The following MAGI2 variants were observed in gnomAD, a reference collection of about 807,000 sequenced individuals.
The protein encoded by MAGI2 is membrane-associated guanylate kinase, WW and PDZ domain-containing protein 2.
MAGI2 carries 35 observed loss-of-function variants against 133.3 expected under a neutral mutation model. The ratio of observed to expected loss-of-function variants is 0.26; its 90% CI spans 0.20 to 0.35. MAGI2 has a LOEUF of 0.35. Ranked by LOEUF, MAGI2 falls within the 10% of genes least tolerant of loss-of-function variation. The pLI, the probability that MAGI2 is intolerant of heterozygous loss-of-function variation, is 1.00. For synonymous variants in MAGI2, 729 were observed against 710.6 expected, an observed-to-expected ratio of 1.03 and a Z score of -0.41; for missense variants, 1,636 against 1,863.4, an observed-to-expected ratio of 0.88 and a Z score of 2.25.
intron 10 of MAGI2, among the ~76,000 whole-genome samples, chr7:78,225,519 G>A (rs1162790014): frequency 6.6e-6 from 1 of 152,068 alleles, no homozygotes; most frequent in East Asian, 1.9e-4. Context: ...ACCTGTATTT[G>A]TGTTTTTTGT....
rs112560157 is a variant in MAGI2 at position 78,703,983 on chromosome 7, T to C, written c.419-76744A>G. Among the ~76,000 whole-genome samples the C allele has an allele frequency of 5.6e-3, 848 of 152,176 alleles. 4 individuals are homozygous for C. The highest frequency in any genetic ancestry group is 7.4e-3 in the Non-Finnish European group (504 of 67,974). On this transcript the variant is annotated intron_variant, in intron 2 of 21. Coordinates refer to ENST00000354212, the MANE Select transcript of MAGI2 (RefSeq NM_012301.4). ...ACTATCAAAACCCTGGAAGATAACC[T>C]AGGAAATACCACTGTGGACATAGGC...
At chr7:79,006,291 GA>G (rs1807442494) in intron 2 of MAGI2, among the ~76,000 whole-genome samples, 1 of 152,128 alleles carries the variant, frequency 6.6e-6, no homozygotes, top group Non-Finnish European at 1.5e-5. Flanking sequence ...TAAAAGAAAA[GA>G]AACTCACACA....
At chr7:78,021,022 T>C (rs1419865530) in intron 21 of MAGI2, among the ~76,000 whole-genome samples, 1 of 152,046 alleles carries the variant, frequency 6.6e-6, no homozygotes, top group Non-Finnish European at 1.5e-5. Context: ...AAAACACATA[T>C]AAAACAATGA....
chr7:78,168,547 A>G (rs1825833530), intron 14 of MAGI2, among the ~76,000 whole-genome samples: 1 of 152,204 alleles, frequency 6.6e-6, no homozygotes, highest in Non-Finnish European at 1.5e-5. Context: ...GGCTGAAACA[A>G]GGTGAGGATT....
chr7:78,408,832 T>C (rs1360924511), intron 6 of MAGI2, among the ~76,000 whole-genome samples: 1 of 152,174 alleles, frequency 6.6e-6, no homozygotes, highest in Non-Finnish European at 1.5e-5. Context: ...ATGCATTTCA[T>C]GTTTCTTTTT....
At chr7:78,350,847 A>G (rs1791433472) in intron 7 of MAGI2, among the ~76,000 whole-genome samples, 4 of 152,112 alleles carry the variant, frequency 2.6e-5, no homozygotes, top group South Asian at 2.1e-4. Flanking sequence ...CTCACCATCA[A>G]TGCTCCCTGT....
At chr7:78,831,134 A>C (rs1791109444) in intron 2 of MAGI2, among the ~76,000 whole-genome samples, 1 of 152,206 alleles carries the variant, frequency 6.6e-6, no homozygotes, top group Non-Finnish European at 1.5e-5. Context: ...CAATACAAGC[A>C]AAACTGTGAT....
intron 21 of MAGI2, among the ~76,000 whole-genome samples, chr7:78,036,590 G>C (rs1479427379): frequency 2.0e-5 from 3 of 151,962 alleles, no homozygotes; most frequent in African/African-American, 7.3e-5. Context: ...CTCATCCAGA[G>C]ATTGTCCAGT....
chr7:78,462,625 A>G (rs1790181672), intron 6 of MAGI2, among the ~76,000 whole-genome samples: 1 of 152,242 alleles, frequency 6.6e-6, no homozygotes, highest in South Asian at 2.1e-4. Flanking sequence ...AAATCAATGA[A>G]CATGGTTATT....
chr7:79,193,954 CT>C (rs1015741986), intron 1 of MAGI2, among the ~76,000 whole-genome samples: 2 of 151,288 alleles, frequency 1.3e-5, no homozygotes, highest in African/African-American at 2.4e-5. Flanking sequence ...CATAGAAAAT[CT>C]TTTTTTGTTT....
chr7:78,040,949 C>G (rs879719937), intron 21 of MAGI2, among the ~76,000 whole-genome samples: 7 of 152,176 alleles, frequency 4.6e-5, no homozygotes, highest in African/African-American at 1.2e-4. Context: ...CCAGAGAAAT[C>G]TCACTGCCCG....
chr7:78,755,758 A>C (rs1314892222), intron 2 of MAGI2, among the ~76,000 whole-genome samples: 2 of 152,196 alleles, frequency 1.3e-5, no homozygotes, highest in Admixed American at 1.3e-4. Context: ...TAAAATTTGG[A>C]AGTATAGCTG....
chr7:79,285,096 C>A (rs993731739), intron 1 of MAGI2, among the ~76,000 whole-genome samples: 1 of 152,022 alleles, frequency 6.6e-6, no homozygotes, highest in Non-Finnish European at 1.5e-5. Context: ...AAGATGAATT[C>A]TATCCATGTG....
Position 78,325,161 on chromosome 7 carries a change from G to GTA in MAGI2, c.1408+18616_1408+18617insTA, listed in dbSNP as rs1340534163. On this transcript the variant is annotated intron_variant, in intron 9 of 21. Transcript: ENST00000354212. Reference sequence around the variant, plus strand: ...TGCATTCTTTATGTTGTAGACTTCAGCATATATACTTATTATCCCACTGTA... The same window carrying GTA: ...TGCATTCTTTATGTTGTAGACTTCAGTACATATATACTTATTATCCCACTGTA... Among the ~76,000 whole-genome samples, 11 of 152,072 alleles carry GTA rather than the reference G, an allele frequency of 7.2e-5. No individual in the cohort carries two copies. In the East Asian group the frequency reaches 2.1e-3, roughly 29 times the overall value.
intron 1 of MAGI2, among the ~76,000 whole-genome samples, chr7:79,430,993 A>G (rs953514565): frequency 6.6e-6 from 1 of 152,202 alleles, no homozygotes; most frequent in Non-Finnish European, 1.5e-5. Context: ...AGCTTGAGGG[A>G]ATAACCTATT....
At chr7:78,916,390 T>C (rs1212342644) in intron 2 of MAGI2, among the ~76,000 whole-genome samples, 2 of 152,148 alleles carry the variant, frequency 1.3e-5, no homozygotes, top group Non-Finnish European at 1.5e-5. Context: ...GACCAGACTA[T>C]GTTCTAGGCA....
At chr7:78,582,708 T>C (rs920328760) in intron 3 of MAGI2, among the ~76,000 whole-genome samples, 2 of 152,230 alleles carry the variant, frequency 1.3e-5, no homozygotes, top group Admixed American at 6.5e-5. Context: ...TTCTTAACAC[T>C]ATGATTTCAG....
chr7:78,294,087 T>G (rs977832966), intron 9 of MAGI2, among the ~76,000 whole-genome samples: 1 of 151,954 alleles, frequency 6.6e-6, no homozygotes, highest in Non-Finnish European at 1.5e-5. Flanking sequence ...TAAAAAAATA[T>G]ATATAATTCT....
intron 2 of MAGI2, among the ~76,000 whole-genome samples, chr7:78,875,851 A>G (rs972804503): frequency 6.6e-6 from 1 of 152,218 alleles, no homozygotes; most frequent in African/African-American, 2.4e-5. Context: ...GAGTAAACAG[A>G]TAGGAAATAA....
Sources: allele counts gnomAD v4.1 joint callset (sites outside exome capture counted in the v4.1 genomes callset), GRCh38; gene constraint gnomAD v4.1.1; transcripts MANE v1.5; gene names NCBI Gene and HGNC (gene_info 2026-07-23, HGNC 2026-07-21).